The following MMP17 variants were observed in gnomAD, a reference collection of about 807,000 sequenced individuals.
MMP17 encodes matrix metalloproteinase-17.
Under a neutral mutation model 49.1 loss-of-function variants are expected in MMP17, and 54 were observed. The ratio of observed to expected loss-of-function variants is 1.10; its 90% CI spans 0.88 to 1.38. MMP17 has a LOEUF of 1.38. MMP17 is among the 40% of genes most tolerant of loss of function. The probability of loss-of-function intolerance (pLI) is 0.00; values close to 1 mark genes in which losing one functional copy is unlikely to be tolerated. For missense variants in MMP17, 837 were observed against 853.7 expected (o/e 0.98, Z 0.24); for synonymous variants, 397 against 383.1 (o/e 1.04, Z -0.42).
Position 131,851,754 on chromosome 12 carries a change from A to C in MMP17, c.*480A>C. The C allele has an allele frequency of 3.2e-5, 5 of 154,692 alleles. No individual in the cohort carries two copies. The highest frequency in any genetic ancestry group is 6.5e-5 in the Admixed American group (1 of 15,372). The allele number at this position is 154,692 out of a possible 1,614,324, so 9.6% of individuals were successfully genotyped here. ...CCCCTGTGACGCGTTCCAGACCAAC[A>C]TGACCTCTCCCTGCTTTCTAGCGGC... is the stretch of plus-strand genomic sequence containing the variant. On this transcript the variant is annotated 3_prime_UTR_variant, in exon 10 of 10. Transcript: ENST00000360564.
In MMP17 at chr12:131,849,807, A is replaced by G. The variant is rs1349095283; in HGVS notation, c.1210A>G (p.Arg404Gly). The change falls in exon 9 of 10, where the codon AGG (arginine) becomes GGG (glycine). Residue 404 changes from arginine to glycine, a missense_variant. Physicochemically the swap from Arg to Gly is moderately radical, Grantham distance 125. Transcript: ENST00000360564. ...DHKIVFFKGD[R>G]YWVFKDNNVE... ...GCTGTTTCTCTCGCCCCCAGGAGACAGGTACTGGGTGTTCAAGGACAATAA... is the reference window on the plus strand; with the variant it reads ...GCTGTTTCTCTCGCCCCCAGGAGACGGGTACTGGGTGTTCAAGGACAATAA... 1.9e-6 allele frequency: 3 copies of G among 1,610,014 alleles called. No homozygotes were observed. Among genetic ancestry groups the G allele is most frequent in the Non-Finnish European group, 2.5e-6 (3 of 1,177,106 alleles).
At chr12:131,843,454 C>T (rs538671391) in intron 5 of MMP17, among the ~76,000 whole-genome samples, 2 of 152,082 alleles carry the variant, frequency 1.3e-5, no homozygotes, top group South Asian at 4.2e-4. Context: ...ACCATGTTGC[C>T]CAGGCTGGTC....
chr12:131,848,398 C>G (rs1438494298), intron 8 of MMP17, among the ~76,000 whole-genome samples: 1 of 152,132 alleles, frequency 6.6e-6, no homozygotes, highest in Non-Finnish European at 1.5e-5. Context: ...GTTTTTTGGT[C>G]GTTTTAAATT....
intron 8 of MMP17, among the ~76,000 whole-genome samples, chr12:131,847,719 C>T (rs894466948): frequency 2.0e-5 from 3 of 152,270 alleles, no homozygotes; most frequent in Non-Finnish European, 2.9e-5. Flanking sequence ...AGCCCCGAGC[C>T]GCCCTGCCTG....
intron 1 of MMP17, among the ~76,000 whole-genome samples, chr12:131,831,077 C>T (rs1389168318): frequency 2.0e-5 from 3 of 152,300 alleles, no homozygotes; most frequent in Non-Finnish European, 2.9e-5. Context: ...ATTGCAGCTT[C>T]GCACGCTATC....
intron 1 of MMP17, among the ~76,000 whole-genome samples, chr12:131,832,845 C>G (rs568646643): frequency 9.9e-5 from 15 of 152,218 alleles, no homozygotes; most frequent in Non-Finnish European, 1.3e-4. Context: ...CGCTCCTCTG[C>G]GCTGTGTGTT....
chr12:131,828,410 G>A lies in MMP17; in HGVS notation c.-85G>A, dbSNP rs1447032021. ...CGGGGCTCAGTCCGGCGGGGGCGCC[G>A]CGGAGAGCGGAGGGCGCCGGGCTGC... On this transcript the variant is annotated 5_prime_UTR_variant, in exon 1 of 10. Transcript: ENST00000360564. 1.2e-6 allele frequency: 1 copy of A among 804,260 alleles called. No homozygotes were observed. The highest frequency in any genetic ancestry group is 1.9e-5 in the African/African-American group (1 of 53,604). The allele number at this position is 804,260 out of a possible 1,614,324, so 49.8% of individuals were successfully genotyped here. A position where few individuals can be genotyped will look rare whatever the true frequency, so the allele number is the denominator to read the frequency against.
At chr12:131,847,948 A>G (rs1289389780) in intron 8 of MMP17, among the ~76,000 whole-genome samples, 1 of 152,196 alleles carries the variant, frequency 6.6e-6, no homozygotes, top group Non-Finnish European at 1.5e-5. Context: ...GTTCCTGCTC[A>G]GCCATAGCAG....
chr12:131,844,396 A>T (rs1887583634), intron 6 of MMP17: 2 of 417,882 alleles, frequency 4.8e-6, no homozygotes, highest in Non-Finnish European at 8.6e-6. Flanking sequence ...AGCATCAGGA[A>T]GTCAGGCAGG....
At chr12:131,843,599 G>A (rs1887538273) in intron 5 of MMP17, among the ~76,000 whole-genome samples, 1 of 152,168 alleles carries the variant, frequency 6.6e-6, no homozygotes. Flanking sequence ...TGGTAGCATG[G>A]ATTTGACCTG....
intron 5 of MMP17, among the ~76,000 whole-genome samples, chr12:131,842,650 G>C (rs914594552): frequency 2.3e-4 from 35 of 152,040 alleles, no homozygotes; most frequent in Admixed American, 1.8e-3. Context: ...GCAGGTGCCT[G>C]TAATCCCAGC....
chr12:131,849,939 G>A lies in MMP17; in HGVS notation c.1342G>A (p.Asp448Asn), dbSNP rs1425996667. The A allele has an allele frequency of 1.9e-6, 3 of 1,613,906 alleles. No individual in the cohort carries two copies. The highest frequency in any genetic ancestry group is 2.7e-5 in the African/African-American group (2 of 74,912). ...AHNDRTYFFK[D>N]QLYWRYDDHT... ...CAATGACAGGACTTATTTCTTTAAG[G>A]ACCAGCTGTACTGGCGCTACGATGA... is the stretch of plus-strand genomic sequence containing the variant. The change falls in exon 9 of 10, where the codon GAC becomes AAC. Residue 448 changes from aspartate (D) to asparagine (N), a missense_variant. Physicochemically the swap from Asp to Asn is conservative, Grantham distance 23. Coordinates refer to ENST00000360564, the MANE Select transcript of MMP17 (RefSeq NM_016155.7).
chr12:131,849,764 G>T, intron 8 of MMP17, 38 bp from the exon 9 acceptor site: 2 of 1,584,096 alleles, frequency 1.3e-6, no homozygotes, highest in Non-Finnish European at 1.7e-6. Context: ...TCGGGGTGGG[G>T]CCGAGCCCCG....
chr12:131,841,517 G>C, intron 4 of MMP17, 107 bp from the exon 5 acceptor site: 1 of 1,180,848 alleles, frequency 8.5e-7, no homozygotes, highest in Admixed American at 1.8e-5. Flanking sequence ...AGCCGGCATC[G>C]AGGCATCCCC....
At position 131,828,397 on chromosome 12, in the gene MMP17, C is replaced by A; in HGVS notation, c.-98C>A. 1.4e-6 allele frequency: 1 copy of A among 720,748 alleles called. No individual in the cohort carries two copies. Among genetic ancestry groups the A allele is most frequent in the Non-Finnish European group, 1.7e-6 (1 of 588,004 alleles). 44.6% of individuals were successfully genotyped at this position (720,748 alleles called of 1,614,324 possible). On this transcript the variant is annotated 5_prime_UTR_variant, in exon 1 of 10. Transcript: ENST00000360564. ...TGAGGCTGCCGCGCGGGGCTCAGTC[C>A]GGCGGGGGCGCCGCGGAGAGCGGAG...
At chr12:131,828,970 G>T (rs1593217377) in intron 1 of MMP17, among the ~76,000 whole-genome samples, 1 of 152,138 alleles carries the variant, frequency 6.6e-6, no homozygotes, top group South Asian at 2.1e-4. Flanking sequence ...GCTTGCAGCA[G>T]CCCCGGAGCA....
rs1886631910 is a variant in MMP17 at position 131,828,612 on chromosome 12, C to T, written c.118C>T (p.Pro40Ser). 8 of 848,388 alleles carry T rather than the reference C, an allele frequency of 9.4e-6. No homozygotes were observed. Among genetic ancestry groups the T allele is most frequent in the Admixed American group, 5.5e-5 (1 of 18,090 alleles). 52.6% of individuals were successfully genotyped at this position (848,388 alleles called of 1,614,324 possible). The part of the protein sequence containing the change: ...ALGTRGGCAA[P>S]APAPRAEDLS... ...GGGGACCCGCGGGGGCTGCGCCGCG[C>T]CCGCACCCGCGCCGCGCGCCGAGGA... The change falls in exon 1 of 10, where the codon CCC becomes TCC. Residue 40 changes from proline to serine, a missense_variant. By Grantham distance (74) the Pro-to-Ser change is moderately conservative. Coordinates refer to ENST00000360564, the MANE Select transcript of MMP17 (RefSeq NM_016155.7).
intron 4 of MMP17, 33 bp from the exon 5 acceptor site, chr12:131,841,591 G>T: frequency 6.2e-7 from 1 of 1,612,790 alleles, no homozygotes; most frequent in Non-Finnish European, 8.5e-7. Context: ...GGCCCTTCTT[G>T]CCCTTAGTTC....
At chr12:131,829,462 C>A (rs79835490) in intron 1 of MMP17, among the ~76,000 whole-genome samples, 3 of 152,042 alleles carry the variant, frequency 2.0e-5, no homozygotes, top group Admixed American at 6.5e-5. Flanking sequence ...CAGCGCCCCC[C>A]CGCTGGGGCG....
Sources: gnomAD v4.1 joint callset for allele counts (sites outside exome capture counted in the v4.1 genomes callset) on GRCh38, gnomAD v4.1.1 for gene constraint, MANE v1.5 for transcripts, NCBI Gene and HGNC (gene_info 2026-07-23, HGNC 2026-07-21) for gene names.